Variants in CTSG observed in about 807,000 individuals in gnomAD.
CTSG encodes the protein cathepsin G.
CTSG carries 23 observed loss-of-function variants against 23.0 expected under a neutral mutation model. The ratio of observed to expected loss-of-function variants is 1.00; its 90% CI spans 0.72 to 1.42. The LOEUF is 1.42. Among genes scored for constraint, CTSG ranks in the 40% most tolerant of loss-of-function variants. CTSG has a pLI of 0.00. For missense variants in CTSG, 312 were observed against 326.2 expected, an observed-to-expected ratio of 0.96 and a Z score of 0.33; for synonymous variants, 140 against 130.4, an observed-to-expected ratio of 1.07 and a Z score of -0.50.
At position 24,574,274 on chromosome 14, in the gene CTSG, C is replaced by A; in HGVS notation, c.565G>T (p.Asp189Tyr). The stretch of plus-strand genomic sequence containing the variant: ...AAGGCAGCCTTCCGTTCCCGCCGGT[C>A]CCCCACACAAATCTGCCTTCGGGGG... ...YDPRRQICVG[D>Y]RRERKAAFKG... The change falls in exon 4 of 5, where the codon GAC (aspartate) becomes TAC (tyrosine). Residue 189 changes from aspartate to tyrosine, a missense_variant. Physicochemically the swap from Asp to Tyr is radical, Grantham distance 160 (BLOSUM62 -3). Transcript: ENST00000216336. 1 of 1,600,146 alleles carries A rather than the reference C, an allele frequency of 6.2e-7. No homozygotes were observed.
intron 4 of CTSG, 62 bp downstream of exon 4, chr14:24,574,183 A>AT: frequency 6.3e-7 from 1 of 1,581,726 alleles, no homozygotes; most frequent in South Asian, 1.1e-5. Flanking sequence ...ATCTGTTCGC[A>AT]CTGCCTGGCT....
chr14:24,574,128 C>G (rs908389364), intron 4 of CTSG, 117 bp downstream of exon 4: 5 of 1,354,184 alleles, frequency 3.7e-6, no homozygotes, highest in Middle Eastern at 2.2e-4. Flanking sequence ...AAACAATCCC[C>G]AGCCCACCCT....
At chr14:24,576,045 T>C (rs1316594665) in intron 1 of CTSG, 124 bp downstream of exon 1, 7 of 759,052 alleles carry the variant, frequency 9.2e-6, no homozygotes, top group South Asian at 8.1e-5. Context: ...TCTCATTTTA[T>C]AGATGAGGAA....
At chr14:24,574,206 C>G in intron 4 of CTSG, 39 bp downstream of exon 4, 2 of 1,597,220 alleles carry the variant, frequency 1.3e-6, no homozygotes, top group Non-Finnish European at 1.7e-6. Context: ...GCACGGGCCC[C>G]TCTCTCCCGG....
At chr14:24,574,932 C>G in intron 2 of CTSG, 122 bp from the exon 3 acceptor site, 4 of 1,290,428 alleles carry the variant, frequency 3.1e-6, no homozygotes, top group Non-Finnish European at 4.4e-6. Context: ...TGGGAGGGCC[C>G]TGGGGCTCAG....
chr14:24,575,573 T>C (rs142916992), intron 1 of CTSG, among the ~76,000 whole-genome samples, 161 bp from the exon 2 acceptor site: 16 of 152,162 alleles, frequency 1.1e-4, no homozygotes, highest in African/African-American at 3.6e-4. Flanking sequence ...GGGCAGCAGA[T>C]TGGGAGGGGG....
In CTSG at chr14:24,573,634, C is replaced by G. The variant is rs757208637; in HGVS notation, c.*3G>C. 1 of 1,611,476 alleles carries G rather than the reference C, an allele frequency of 6.2e-7. No individual in the cohort carries two copies. Among genetic ancestry groups the G allele is most frequent in the Non-Finnish European group, 8.5e-7 (1 of 1,178,486 alleles). The stretch of plus-strand genomic sequence containing the variant: ...GGCCTGTGTCCCCGAGAAGAAGAGT[C>G]AGTCACAGGGGGGTCTCCATCTGAT... On this transcript the variant is annotated 3_prime_UTR_variant, in exon 5 of 5. Transcript: ENST00000216336.
intron 1 of CTSG, among the ~76,000 whole-genome samples, chr14:24,575,850 A>G (rs2066739371): frequency 6.6e-6 from 1 of 152,154 alleles, no homozygotes; most frequent in African/African-American, 2.4e-5. Flanking sequence ...AAATCTAGAC[A>G]TGAGCTGATG....
chr14:24,573,943 T>A, intron 4 of CTSG, 133 bp from the exon 5 acceptor site: 1 of 841,462 alleles, frequency 1.2e-6, no homozygotes, highest in South Asian at 1.7e-5. Context: ...GGAAGATCGG[T>A]GGGGTACAGG....
At chr14:24,575,470 C>T in intron 1 of CTSG, 58 bp from the exon 2 acceptor site, 1 of 1,596,300 alleles carries the variant, frequency 6.3e-7, no homozygotes, top group Non-Finnish European at 8.6e-7. Context: ...ATGTGGGTAC[C>T]AGATTGGTGG....
At position 24,573,581 on chromosome 14, in the gene CTSG, A is replaced by G; in HGVS notation, c.*56T>C. The G allele has an allele frequency of 2.0e-6, 3 of 1,520,652 alleles. No homozygotes were observed. The highest frequency in any genetic ancestry group is 1.8e-6 in the Non-Finnish European group (2 of 1,119,642). The allele number at this position is 1,520,652 out of a possible 1,614,324, so 94.2% of individuals were successfully genotyped here. On this transcript the variant is annotated 3_prime_UTR_variant, in exon 5 of 5. Coordinates refer to ENST00000216336, the MANE Select transcript of CTSG (RefSeq NM_001911.3). Reference sequence around the variant, plus strand: ...GGTTATTTATACTCTGTGGACGTTTATTAAGGCTCTGGCAACACTGTGGAG... The same window carrying G: ...GGTTATTTATACTCTGTGGACGTTTGTTAAGGCTCTGGCAACACTGTGGAG...
chr14:24,573,775 C>A lies in CTSG; in HGVS notation c.630G>T (p.Val210=). 1 of 1,614,102 alleles carries A rather than the reference C, an allele frequency of 6.2e-7. No individual in the cohort carries two copies. Among genetic ancestry groups the A allele is most frequent in the Non-Finnish European group, 8.5e-7 (1 of 1,180,016 alleles). Residue 210 remains valine (V), a synonymous_variant, in exon 5 of 5, where the codon GTG becomes GTT. Coordinates refer to ENST00000216336, the MANE Select transcript of CTSG (RefSeq NM_001911.3). The stretch of plus-strand genomic sequence containing the variant: ...TTCCATAGGAGACGATGCCGTGGGC[C>A]ACATTGTTACACAGCAGGGGGCCTC... ...DSGGPLLCNN[V]AHGIVSYGKS...
At position 24,574,705 on chromosome 14, in the gene CTSG, C is replaced by T; in HGVS notation, c.309G>A (p.Arg103=). The T allele has an allele frequency of 1.9e-6, 3 of 1,614,166 alleles. No homozygotes were observed. The highest frequency in any genetic ancestry group is 2.5e-6 in the Non-Finnish European group (3 of 1,180,038). Residue 103 remains arginine (R), a synonymous_variant, in exon 3 of 5, where the codon CGG becomes CGA. Coordinates refer to ENST00000216336, the MANE Select transcript of CTSG (RefSeq NM_001911.3). ...ATAACATGATGTCATTCTGGATGGT[C>T]CGCTGATTATATTGAGGGTGGCGGA... ...RAIRHPQYNQ[R]TIQNDIMLLQ...
chr14:24,573,644 G>C lies in CTSG; in HGVS notation c.761C>G (p.Pro254Arg). 1 of 1,613,438 alleles carries C rather than the reference G, an allele frequency of 6.2e-7. No homozygotes were observed. Among genetic ancestry groups the C allele is most frequent in the Non-Finnish European group, 8.5e-7 (1 of 1,179,596 alleles). ...SFKLLDQMET[P>R]L is the part of the protein sequence containing the mutation. ...CCCGAGAAGAAGAGTCAGTCACAGG[G>C]GGGTCTCCATCTGATCCAGCAGTTT... The change falls in exon 5 of 5, where the codon CCC (proline) becomes CGC (arginine). Residue 254 changes from proline (P) to arginine (R), a missense_variant. Transcript: ENST00000216336.
At position 24,574,430 on chromosome 14, in the gene CTSG, T is replaced by G. The variant is rs2066730729; in HGVS notation, c.409A>C (p.Arg137=). 8.1e-6 allele frequency: 13 copies of G among 1,613,808 alleles called. No homozygotes were observed. Among genetic ancestry groups the G allele is most frequent in the Non-Finnish European group, 1.1e-5 (13 of 1,180,022 alleles). The change falls in exon 4 of 5, where the codon AGA becomes CGA. Residue 137 remains arginine, a synonymous_variant. Transcript: ENST00000216336. ...VALPRAQEGL[R]PGTLCTVAGW... ...GCCACAGTGCACAGCGTCCCGGGTC[T>G]CAGTCCCTCCTGGGCTCTAGGCAGA...
intron 2 of CTSG, 99 bp downstream of exon 2, chr14:24,575,166 C>T: frequency 7.1e-7 from 1 of 1,407,992 alleles, no homozygotes; most frequent in Non-Finnish European, 9.9e-7. Context: ...CTTTCTTTCA[C>T]CCTTTCATTG....
intron 4 of CTSG, 105 bp from the exon 5 acceptor site, chr14:24,573,915 G>A: frequency 3.8e-6 from 4 of 1,044,438 alleles, no homozygotes; most frequent in Non-Finnish European, 5.6e-6. Flanking sequence ...CCCTTCAATT[G>A]CTGGGTGTGT....
intron 2 of CTSG, 170 bp downstream of exon 2, chr14:24,575,095 C>T (rs1275272280): frequency 2.7e-6 from 2 of 749,512 alleles, no homozygotes; most frequent in Admixed American, 2.8e-5. Context: ...TCTTTTTGAT[C>T]TTATCCTCCT....
At position 24,573,779 on chromosome 14, in the gene CTSG, T is replaced by C. The variant is rs201961041; in HGVS notation, c.626A>G (p.Asn209Ser). ...GDSGGPLLCN[N>S]VAHGIVSYGK... ...ATAGGAGACGATGCCGTGGGCCACA[T>C]TGTTACACAGCAGGGGGCCTCCGGA... Residue 209 changes from asparagine to serine, a missense_variant, in exon 5 of 5, where the codon AAT becomes AGT. Coordinates refer to ENST00000216336, the MANE Select transcript of CTSG (RefSeq NM_001911.3). 58 of 1,614,028 alleles carry C rather than the reference T, an allele frequency of 3.6e-5. 2 individuals carry two copies. The highest frequency in any genetic ancestry group is 1.4e-4 in the South Asian group (13 of 91,070).
Sources: allele counts gnomAD v4.1 joint callset (sites outside exome capture counted in the v4.1 genomes callset), GRCh38; gene constraint gnomAD v4.1.1; transcripts MANE v1.5; gene names NCBI Gene and HGNC (gene_info 2026-07-23, HGNC 2026-07-21).